TBL2: variants seen among roughly 807,000 people sequenced by gnomAD.
The protein encoded by TBL2 is transducin beta-like protein 2.
A neutral mutation model predicts 41.8 loss-of-function variants in TBL2; 33 were observed. The observed-to-expected ratio is 0.79, with a 90% CI of 0.60 to 1.06. The LOEUF (loss-of-function observed/expected upper bound fraction) is 1.06. Among genes scored for constraint, TBL2 ranks in the 50% least tolerant of loss-of-function variants. The probability of loss-of-function intolerance (pLI) is 0.00; values close to 1 mark genes in which losing one functional copy is unlikely to be tolerated. For missense variants in TBL2, 522 were observed against 603.8 expected (o/e 0.86, Z 1.42); for synonymous variants, 239 against 241.7 (o/e 0.99, Z 0.10).
chr7:73,570,357 G>C lies in TBL2; in HGVS notation c.*150C>G, dbSNP rs987711411. 17 of 1,324,858 alleles carry C rather than the reference G, an allele frequency of 1.3e-5. No individual in the cohort carries two copies. Among genetic ancestry groups the C allele is most frequent in the Non-Finnish European group, 1.6e-5 (16 of 1,007,262 alleles). 82.1% of individuals were successfully genotyped at this position (1,324,858 alleles called of 1,614,324 possible). On this transcript the variant is annotated 3_prime_UTR_variant, in exon 7 of 7. Transcript: ENST00000305632. ...AGAAGAGAGAGACCTAAGTAGACAA[G>C]AGTAGTTTCAATGGGAAGAAGCAGG...
chr7:73,570,795 A>T lies in TBL2; in HGVS notation c.1056T>A (p.Ser352Arg), dbSNP rs782282179. 6.2e-7 allele frequency: 1 copy of T among 1,614,060 alleles called. No individual in the cohort carries two copies. The highest frequency in any genetic ancestry group is 8.5e-7 in the Non-Finnish European group (1 of 1,180,038). ...NAQVLALASGSSIHLYNTRRG... is the reference protein window; with the variant it reads ...NAQVLALASGRSIHLYNTRRG... ...GCCGGGTATTGTAGAGATGAATACT[A>T]CTGCCACTGGCCAAGGCCAAGACCT... is the stretch of plus-strand genomic sequence containing the variant. The change falls in exon 7 of 7, where the codon AGT (serine) becomes AGA (arginine). Residue 352 changes from serine to arginine, a missense_variant. Ser to Arg is a moderately radical substitution (Grantham distance 110, BLOSUM62 -1). Transcript: ENST00000305632.
At chr7:73,578,222 C>T in intron 1 of TBL2, 198 bp downstream of exon 1, 3 of 1,527,774 alleles carry the variant, frequency 2.0e-6, no homozygotes, top group Non-Finnish European at 2.6e-6. Flanking sequence ...TGGAGCCAGT[C>T]CCGCCCCAGG....
At position 73,570,427 on chromosome 7, in the gene TBL2, C is replaced by A; in HGVS notation, c.*80G>T. On this transcript the variant is annotated 3_prime_UTR_variant, in exon 7 of 7. Transcript: ENST00000305632. Reference sequence around the variant, plus strand: ...GGAGACTCCTTCTGAAAGGCTTCCACCTGGGAGGAAAGATGGCAGCAGTGC... The same window carrying A: ...GGAGACTCCTTCTGAAAGGCTTCCAACTGGGAGGAAAGATGGCAGCAGTGC... 7.0e-7 allele frequency: 1 copy of A among 1,430,736 alleles called. No homozygotes were observed. Among genetic ancestry groups the A allele is most frequent in the South Asian group, 1.5e-5 (1 of 65,868 alleles). 88.6% of individuals were successfully genotyped at this position (1,430,736 alleles called of 1,614,324 possible).
chr7:73,570,366 C>T lies in TBL2; in HGVS notation c.*141G>A, dbSNP rs1792845730. ...AGACCTAAGTAGACAAGAGTAGTTT[C>T]AATGGGAAGAAGCAGGGCCACCAGT... On this transcript the variant is annotated 3_prime_UTR_variant, in exon 7 of 7. Transcript: ENST00000305632. 3 of 1,373,110 alleles carry T rather than the reference C, an allele frequency of 2.2e-6. No homozygotes were observed. The highest frequency in any genetic ancestry group is 2.9e-5 in the African/African-American group (2 of 68,420). The allele number at this position is 1,373,110 out of a possible 1,614,324, so 85.1% of individuals were successfully genotyped here. A position where few individuals can be genotyped will look rare whatever the true frequency, so the allele number is the denominator to read the frequency against.
In TBL2 at chr7:73,569,745, G is replaced by A. The variant is rs1792807754; in HGVS notation, c.*762C>T. The A allele has an allele frequency of 6.6e-6, 1 of 152,130 alleles. No homozygotes were observed. Among genetic ancestry groups the A allele is most frequent in the Non-Finnish European group, 1.5e-5 (1 of 68,022 alleles). The allele number at this position is 152,130 out of a possible 1,614,324, so 9.4% of individuals were successfully genotyped here. ...TGATGAACTTGATGAACTGAAAAGA[G>A]GTCTCCTTAAACAAGATATCATCTC... On this transcript the variant is annotated 3_prime_UTR_variant, in exon 7 of 7. Coordinates refer to ENST00000305632, the MANE Select transcript of TBL2 (RefSeq NM_012453.4).
intron 4 of TBL2, 93 bp from the exon 5 acceptor site, chr7:73,573,063 A>G: frequency 6.4e-7 from 1 of 1,559,964 alleles, no homozygotes; most frequent in Admixed American, 1.8e-5. Context: ...TGCCCGAAGT[A>G]TACATGTCTC....
At chr7:73,575,160 C>G (rs1229506795) in intron 1 of TBL2, among the ~76,000 whole-genome samples, 1 of 151,784 alleles carries the variant, frequency 6.6e-6, no homozygotes, top group Admixed American at 6.6e-5. Context: ...GAGTCTTGCT[C>G]TGTCGCCCAG....
chr7:73,573,515 A>C, intron 3 of TBL2, 44 bp from the exon 4 acceptor site: 1 of 1,611,656 alleles, frequency 6.2e-7, no homozygotes. Flanking sequence ...CTGGACAAAG[A>C]GGCTCTGTGT....
chr7:73,570,301 G>GC lies in TBL2; in HGVS notation c.*205dup, dbSNP rs1425686967. On this transcript the variant is annotated 3_prime_UTR_variant, in exon 7 of 7. Transcript: ENST00000305632. Reference sequence around the variant, plus strand: ...GCCTGGGAGGAAGAAAAGCACCTTGGCCACTAGTCAGGGAGGAGTCACAGC... The same window carrying GC: ...GCCTGGGAGGAAGAAAAGCACCTTGGCCCACTAGTCAGGGAGGAGTCACAGC... 21 of 859,320 alleles carry GC rather than the reference G, an allele frequency of 2.4e-5. No individual in the cohort carries two copies. The highest frequency in any genetic ancestry group is 3.3e-5 in the Non-Finnish European group (20 of 607,046). The allele number at this position is 859,320 out of a possible 1,614,324, so 53.2% of individuals were successfully genotyped here.
chr7:73,574,513 C>G lies in TBL2; in HGVS notation c.131G>C (p.Cys44Ser). The change falls in exon 2 of 7, where the codon TGC (cysteine) becomes TCC (serine). Residue 44 changes from cysteine to serine, a missense_variant and splice_region_variant. Cys to Ser is a moderately radical substitution (Grantham distance 112, BLOSUM62 -1). Coordinates refer to ENST00000305632, the MANE Select transcript of TBL2 (RefSeq NM_012453.4). ...AGGTGGAAATCCATTTGCTTTTTGG[C>G]CTATAAGGAAGGGCCATGTTGTTCT... ...AGEERSGRPA[C>S]QKANGFPPDK... 6.2e-7 allele frequency: 1 copy of G among 1,614,174 alleles called. No individual in the cohort carries two copies. Among genetic ancestry groups the G allele is most frequent in the Non-Finnish European group, 8.5e-7 (1 of 1,180,040 alleles).
intron 1 of TBL2, among the ~76,000 whole-genome samples, chr7:73,575,729 G>C (rs1390414570): frequency 1.3e-5 from 2 of 152,230 alleles, no homozygotes; most frequent in Non-Finnish European, 2.9e-5. Flanking sequence ...ACTGTGTCCG[G>C]CCCAGCCTTG....
chr7:73,578,538 C>A lies in TBL2; in HGVS notation c.12G>T (p.Ser4=). 1 of 1,592,118 alleles carries A rather than the reference C, an allele frequency of 6.3e-7. No homozygotes were observed. MEL[S]QMSELMGLSV... ...ACAGCCCCATGAGCTCCGACATCTG[C>A]GAGAGCTCCATGTTGGTGGAACCAC... is the stretch of plus-strand genomic sequence containing the variant. Residue 4 remains serine, a synonymous_variant, in exon 1 of 7, where the codon TCG becomes TCT. Transcript: ENST00000305632.
Position 73,570,320 on chromosome 7 carries a change from T to G in TBL2, c.*187A>C. 3.7e-6 allele frequency: 4 copies of G among 1,091,854 alleles called. No individual in the cohort carries two copies. Among genetic ancestry groups the G allele is most frequent in the African/African-American group, 1.6e-5 (1 of 62,302 alleles). 67.6% of individuals were successfully genotyped at this position (1,091,854 alleles called of 1,614,324 possible). A position where few individuals can be genotyped will look rare whatever the true frequency, so the allele number is the denominator to read the frequency against. On this transcript the variant is annotated 3_prime_UTR_variant, in exon 7 of 7. Transcript: ENST00000305632. The stretch of plus-strand genomic sequence containing the variant: ...ACCTTGGCCACTAGTCAGGGAGGAG[T>G]CACAGCCAGCAAGAAGAGAGAGACC...
Position 73,570,852 on chromosome 7 carries a change from C to T in TBL2, c.999G>A (p.Ala333=), listed in dbSNP as rs145665323. The change falls in exon 7 of 7, where the codon GCG becomes GCA. Residue 333 remains alanine (A), a synonymous_variant. Coordinates refer to ENST00000305632, the MANE Select transcript of TBL2 (RefSeq NM_012453.4). ...TGGGGGAGAGGGCCAGGCGGCACGG[C>T]GCGGCACCCGCCGCCTCTTCAAAGC... The part of the protein sequence containing the change: ...TGRFEEAAGA[A]PCRLALSPNA... The T allele has an allele frequency of 4.5e-5, 72 of 1,613,608 alleles. No homozygotes were observed. Among genetic ancestry groups the T allele is most frequent in the South Asian group, 1.3e-4 (12 of 91,078 alleles).
rs1554587504 is a variant in TBL2, at chr7:73,571,259, C to T, written c.808G>A (p.Val270Met). 3 of 1,614,232 alleles carry T rather than the reference C, an allele frequency of 1.9e-6. No individual in the cohort carries two copies. The African/African-American group carries it at 4.0e-5, about 22-fold the overall frequency. The change falls in exon 6 of 7, where the codon GTG (valine) becomes ATG (methionine). Residue 270 changes from valine to methionine, a missense_variant. Coordinates refer to ENST00000305632, the MANE Select transcript of TBL2 (RefSeq NM_012453.4). ...TGGCCCTTTAGTTCGAAGGCTCGCA[C>T]CACCTCCTGGAACTCCCCCTTCTTT... ...FGKKGEFQEV[V>M]RAFELKGHSA... is the part of the protein sequence containing the mutation.
Position 73,570,745 on chromosome 7 carries a change from T to C in TBL2, c.1106A>G (p.Glu369Gly). Residue 369 changes from glutamate (E) to glycine (G), a missense_variant, in exon 7 of 7, where the codon GAG becomes GGG. By Grantham distance (98) the Glu-to-Gly change is moderately conservative. Coordinates refer to ENST00000305632, the MANE Select transcript of TBL2 (RefSeq NM_012453.4). ...GGCGATACACTCGCCATGGACCCGC[T>C]CAAAGCACTCCTCCTTCTCGCCCCG... ...TRRGEKEECF[E>G]RVHGECIANL... 1 of 1,614,178 alleles carries C rather than the reference T, an allele frequency of 6.2e-7. No individual in the cohort carries two copies. The highest frequency in any genetic ancestry group is 8.5e-7 in the Non-Finnish European group (1 of 1,180,030).
At position 73,570,250 on chromosome 7, in the gene TBL2, A is replaced by C. The variant is rs1294905903; in HGVS notation, c.*257T>G. On this transcript the variant is annotated 3_prime_UTR_variant, in exon 7 of 7. Transcript: ENST00000305632. ...CCTCTCTACCATTCTCCTCAGTGCC[A>C]GGTGGGGACAGATTCCACCCACTGG... The C allele has an allele frequency of 8.4e-6, 4 of 476,992 alleles. No homozygotes were observed. Among genetic ancestry groups the C allele is most frequent in the Non-Finnish European group, 1.4e-5 (4 of 278,380 alleles). The allele number at this position is 476,992 out of a possible 1,614,324, so 29.5% of individuals were successfully genotyped here.
In TBL2 at chr7:73,567,824, C is replaced by T. The variant is rs1344876862; in HGVS notation, c.*2683G>A. ...ATGGCAAGGTGGGTAGCACAGGATT[C>T]ATTCTTATTTTGCAGCTGAGGAAAC... On this transcript the variant is annotated 3_prime_UTR_variant, in exon 7 of 7. Transcript: ENST00000305632. Among the ~76,000 whole-genome samples, 1 of 152,054 alleles carries T rather than the reference C, an allele frequency of 6.6e-6. No homozygotes were observed. Among genetic ancestry groups the T allele is most frequent in the Non-Finnish European group, 1.5e-5 (1 of 68,000 alleles).
Position 73,571,065 on chromosome 7 carries a change from C to A in TBL2, c.879-93G>T. 22 of 1,568,132 alleles carry A rather than the reference C, an allele frequency of 1.4e-5. No individual in the cohort carries two copies. In the South Asian group the frequency reaches 2.6e-4, roughly 19 times the overall value. On this transcript the variant is annotated intron_variant, in intron 6 of 6. Coordinates refer to ENST00000305632, the MANE Select transcript of TBL2 (RefSeq NM_012453.4). ...AGCAGCTCCAGCTAGGAAGCTAAGT[C>A]AGCTTCCTGCCGAGGGCCAGGCACC...
Sources: allele counts gnomAD v4.1 joint callset (sites outside exome capture counted in the v4.1 genomes callset), GRCh38; gene constraint gnomAD v4.1.1; transcripts MANE v1.5; gene names NCBI Gene and HGNC (gene_info 2026-07-23, HGNC 2026-07-21).